MYO3A: variants seen among roughly 807,000 people sequenced by gnomAD.
MYO3A encodes the protein myosin-IIIa.
MYO3A carries 180 observed loss-of-function variants against 192.7 expected under a neutral mutation model. The ratio of observed to expected loss-of-function variants is 0.93; its 90% CI spans 0.83 to 1.06. MYO3A has a LOEUF of 1.06. MYO3A is among the 50% of genes least tolerant of loss of function. MYO3A has a pLI of 0.00. For synonymous variants in MYO3A, 628 were observed against 645.3 expected, an observed-to-expected ratio of 0.97 and a Z score of 0.41; for missense variants, 1,896 against 1,905.0, an observed-to-expected ratio of 1.00 and a Z score of 0.09.
At chr10:26,033,527 G>A (rs1842896170) in intron 10 of MYO3A, among the ~76,000 whole-genome samples, 1 of 152,090 alleles carries the variant, frequency 6.6e-6, no homozygotes, top group East Asian at 1.9e-4. Flanking sequence ...CACCAATTGT[G>A]CTATAATCTT....
chr10:25,955,130 A>G, intron 4 of MYO3A, 122 bp downstream of exon 4: 2 of 1,404,870 alleles, frequency 1.4e-6, no homozygotes, highest in East Asian at 4.7e-5. Flanking sequence ...CTGACCAGCC[A>G]TGAATGTTGT....
At chr10:26,090,039 C>T (rs975109149) in intron 15 of MYO3A, among the ~76,000 whole-genome samples, 9 of 152,168 alleles carry the variant, frequency 5.9e-5, no homozygotes, top group Non-Finnish European at 1.0e-4. Context: ...GTGTCAGTGC[C>T]GTTGCCACCC....
chr10:26,125,686 A>C lies in MYO3A; in HGVS notation c.2114+78A>C, dbSNP rs12256860. ...TACTTTCTAATTGATTGTTTTGTATAGATCTCTTTCAAGATGTTTCTATAA... is the reference window on the plus strand; with the variant it reads ...TACTTTCTAATTGATTGTTTTGTATCGATCTCTTTCAAGATGTTTCTATAA... On this transcript the variant is annotated intron_variant, in intron 19 of 34. Transcript: ENST00000642920. The C allele has an allele frequency of 2.1e-3, 2,574 of 1,225,120 alleles. 37 individuals carry two copies. The African/African-American group carries it at 0.031, about 15-fold the overall frequency. The allele number at this position is 1,225,120 out of a possible 1,614,324, so 75.9% of individuals were successfully genotyped here. A position where few individuals can be genotyped will look rare whatever the true frequency, so the allele number is the denominator to read the frequency against.
At chr10:26,106,887 T>G (rs765493253) in intron 17 of MYO3A, among the ~76,000 whole-genome samples, 13 of 151,906 alleles carry the variant, frequency 8.6e-5, no homozygotes, top group South Asian at 2.1e-4. Context: ...AGTATTTTAT[T>G]TCGAATTTTT....
chr10:26,086,625 TA>T (rs946591853), intron 14 of MYO3A, among the ~76,000 whole-genome samples: 19 of 148,000 alleles, frequency 1.3e-4, no homozygotes, highest in East Asian at 2.0e-4. Context: ...AGGAGAGACC[TA>T]AAAAAAAAAG....
At chr10:26,112,666 T>C (rs76650834) in intron 17 of MYO3A, among the ~76,000 whole-genome samples, 37 of 152,328 alleles carry the variant, frequency 2.4e-4, no homozygotes, top group Non-Finnish European at 4.0e-4. Context: ...CCCAAGTGTA[T>C]GTGTCCCTTT....
chr10:26,047,017 G>A (rs1458882827), intron 10 of MYO3A, among the ~76,000 whole-genome samples: 4 of 152,108 alleles, frequency 2.6e-5, no homozygotes, highest in Non-Finnish European at 5.9e-5. Flanking sequence ...TGTTTCCAAT[G>A]ATGTTCTAGA....
chr10:25,955,567 A>G (rs1343375119), intron 4 of MYO3A, among the ~76,000 whole-genome samples: 1 of 152,146 alleles, frequency 6.6e-6, no homozygotes, highest in Non-Finnish European at 1.5e-5. Flanking sequence ...CAATCCTGAG[A>G]GTAGTTTTTC....
chr10:25,966,049 TAAG>T (rs1486503797), intron 4 of MYO3A, among the ~76,000 whole-genome samples: 1 of 151,962 alleles, frequency 6.6e-6, no homozygotes, highest in African/African-American at 2.4e-5. Context: ...TTTCGGTTCT[TAAG>T]AAGGTGTTTT....
intron 10 of MYO3A, among the ~76,000 whole-genome samples, chr10:26,034,231 G>A (rs944615603): frequency 6.6e-6 from 1 of 152,196 alleles, no homozygotes; most frequent in South Asian, 2.1e-4. Context: ...GGTAGAGGGA[G>A]TTGGTCCCAA....
At chr10:26,015,224 C>G (rs1203183303) in intron 6 of MYO3A, among the ~76,000 whole-genome samples, 1 of 152,008 alleles carries the variant, frequency 6.6e-6, no homozygotes, top group African/African-American at 2.4e-5. Context: ...CCTTTTTGAC[C>G]TCTTTTTCCT....
chr10:26,036,152 A>T (rs1026699140), intron 10 of MYO3A, among the ~76,000 whole-genome samples: 2 of 151,928 alleles, frequency 1.3e-5, no homozygotes, highest in Non-Finnish European at 2.9e-5. Flanking sequence ...TGTTAGCCAG[A>T]ATGGTCTCAA....
chr10:25,987,571 A>G (rs893821668), intron 4 of MYO3A, among the ~76,000 whole-genome samples: 1 of 152,272 alleles, frequency 6.6e-6, no homozygotes, highest in Admixed American at 6.5e-5. Context: ...TTCTCAAAAG[A>G]AGATATACAA....
chr10:26,071,623 A>G (rs1327585344), intron 14 of MYO3A, among the ~76,000 whole-genome samples: 1 of 152,222 alleles, frequency 6.6e-6, no homozygotes, highest in Non-Finnish European at 1.5e-5. Flanking sequence ...TTTGCAAGAC[A>G]CACAACTAGT....
intron 20 of MYO3A, among the ~76,000 whole-genome samples, chr10:26,130,960 A>C (rs187090689): frequency 4.1e-4 from 62 of 152,324 alleles, no homozygotes; most frequent in African/African-American, 1.4e-3. Context: ...TTTTGGTCGA[A>C]TATAATTACA....
intron 2 of MYO3A, among the ~76,000 whole-genome samples, chr10:25,943,047 AT>A (rs1836602716): frequency 6.6e-6 from 1 of 151,528 alleles, no homozygotes; most frequent in African/African-American, 2.4e-5. Context: ...CTTTTCCCTT[AT>A]GTTTTCTTCT....
At chr10:26,101,998 A>T (rs189425332) in intron 17 of MYO3A, among the ~76,000 whole-genome samples, 1 of 152,344 alleles carries the variant, frequency 6.6e-6, no homozygotes, top group African/African-American at 2.4e-5. Context: ...GTGTTTTCCA[A>T]CTTGGTTCCA....
intron 32 of MYO3A, among the ~76,000 whole-genome samples, chr10:26,193,793 TATC>T (rs949258003): frequency 6.6e-6 from 1 of 152,236 alleles, no homozygotes; most frequent in African/African-American, 2.4e-5. Context: ...CTGAATGTAT[TATC>T]CATATCTCTC....
chr10:26,197,134 G>C (rs1222614146), intron 32 of MYO3A, among the ~76,000 whole-genome samples: 1 of 152,182 alleles, frequency 6.6e-6, no homozygotes, highest in Non-Finnish European at 1.5e-5. Flanking sequence ...GCCTTAATCA[G>C]GTGCCGTAGC....
Sources: gnomAD v4.1 joint callset for allele counts (sites outside exome capture counted in the v4.1 genomes callset) on GRCh38, gnomAD v4.1.1 for gene constraint, MANE v1.5 for transcripts, NCBI Gene and HGNC (gene_info 2026-07-23, HGNC 2026-07-21) for gene names.